Variants in FCN1 observed in about 807,000 individuals in gnomAD.
The protein encoded by FCN1 is ficolin-1.
In FCN1, 42 loss-of-function variants were observed where a neutral mutation model predicts 35.6. The observed-to-expected ratio is 1.18, with a 90% confidence interval of 0.92 to 1.53. The LOEUF (loss-of-function observed/expected upper bound fraction) is 1.53, where lower values mean the gene tolerates loss of function less well. FCN1 is among the 40% of genes most tolerant of loss of function. The pLI, the probability that FCN1 is intolerant of heterozygous loss-of-function variation, is 0.00. For missense variants in FCN1, 439 were observed against 428.4 expected, an observed-to-expected ratio of 1.02 and a Z score of -0.22; for synonymous variants, 179 against 169.8, an observed-to-expected ratio of 1.05 and a Z score of -0.42.
Position 134,912,477 on chromosome 9 carries a change from T to C in FCN1, c.598+9A>G, listed in dbSNP as rs373213678. The C allele has an allele frequency of 2.5e-6, 4 of 1,613,000 alleles. No individual in the cohort carries two copies. The highest frequency in any genetic ancestry group is 3.4e-6 in the Non-Finnish European group (4 of 1,179,504). ...CCCCCCAACCCCTGAGCCACGGCAGTGGCCCTACCCTGGGCAGTCAGGGCG... is the reference window on the plus strand; with the variant it reads ...CCCCCCAACCCCTGAGCCACGGCAGCGGCCCTACCCTGGGCAGTCAGGGCG... On this transcript the variant is annotated intron_variant, in intron 7 of 8. Transcript: ENST00000371806.
At position 134,917,688 on chromosome 9, in the gene FCN1, G is replaced by A. The variant is rs56045618; in HGVS notation, c.103+81C>T. 11 of 853,830 alleles carry A rather than the reference G, an allele frequency of 1.3e-5. 1 individual carries two copies. In the African/African-American group the frequency reaches 1.5e-4, roughly 12 times the overall value. 52.9% of individuals were successfully genotyped at this position (853,830 alleles called of 1,614,324 possible). ...TCTTCACAGGAAGATGTGCATAAAA[G>A]GTTTTGCCTGGGACACCCGAGTGTC... On this transcript the variant is annotated intron_variant, in intron 1 of 8. Transcript: ENST00000371806.
chr9:134,914,850 T>C, intron 2 of FCN1, 41 bp from the exon 3 acceptor site: 1 of 1,506,932 alleles, frequency 6.6e-7, no homozygotes, highest in Non-Finnish European at 9.2e-7. Flanking sequence ...AAATGCAACC[T>C]AAACAATTCT....
At position 134,907,065 on chromosome 9, in the gene FCN1, C is replaced by G. The variant is rs146169732; in HGVS notation, c.*2733G>C. ...CCAGCCTGGGTGGCAGAGTAAAACTCTGTCTCAAAAAACAAACTAAAAGGC... is the reference window on the plus strand; with the variant it reads ...CCAGCCTGGGTGGCAGAGTAAAACTGTGTCTCAAAAAACAAACTAAAAGGC... On this transcript the variant is annotated 3_prime_UTR_variant, in exon 9 of 9. Coordinates refer to ENST00000371806, the MANE Select transcript of FCN1 (RefSeq NM_002003.5). 1.0e-3 allele frequency: 157 copies of G among 152,248 alleles called. No homozygotes were observed. The highest frequency in any genetic ancestry group is 3.6e-3 in the African/African-American group (151 of 41,544). 9.4% of individuals were successfully genotyped at this position (152,248 alleles called of 1,614,324 possible).
In FCN1 at chr9:134,912,355, A is replaced by C. The variant is rs1588656360; in HGVS notation, c.598+131T>G. ...AGGGGACGCAGCCCTTAGAGGTCCC[A>C]GTGCCACCTGAGTGTGCTCAGGGCC... On this transcript the variant is annotated intron_variant, in intron 7 of 8. Coordinates refer to ENST00000371806, the MANE Select transcript of FCN1 (RefSeq NM_002003.5). 3.3e-6 allele frequency: 3 copies of C among 916,828 alleles called. No homozygotes were observed. The East Asian group carries it at 8.0e-5, about 24-fold the overall frequency. The allele number at this position is 916,828 out of a possible 1,614,324, so 56.8% of individuals were successfully genotyped here. A position where few individuals can be genotyped will look rare whatever the true frequency, so the allele number is the denominator to read the frequency against.
chr9:134,905,849 TTCCTCTTCCTCTTCC>T lies in FCN1; in HGVS notation c.*3934_*3948del, dbSNP rs1830943344. The stretch of plus-strand genomic sequence containing the variant: ...CTTCCTCTTCCTCTTCCTCTTCCTC[TTCCTCTTCCTCTTCC>T]TCTTCTTCTTCTTCTTCTTCTTCTT... On this transcript the variant is annotated 3_prime_UTR_variant, in exon 9 of 9. Transcript: ENST00000371806. The T allele has an allele frequency of 2.3e-5, 1 of 42,562 alleles. No homozygotes were observed. Among genetic ancestry groups the T allele is most frequent in the Non-Finnish European group, 3.9e-5 (1 of 25,358 alleles). 2.6% of individuals were successfully genotyped at this position (42,562 alleles called of 1,614,324 possible).
chr9:134,916,293 G>A, intron 2 of FCN1, 55 bp downstream of exon 2: 1 of 1,331,784 alleles, frequency 7.5e-7, no homozygotes. Flanking sequence ...GTTTCATAAA[G>A]AGCAAGAGCC....
intron 1 of FCN1, among the ~76,000 whole-genome samples, chr9:134,917,064 C>T (rs932643009): frequency 7.9e-5 from 12 of 152,226 alleles, no homozygotes; most frequent in Admixed American, 3.3e-4. Context: ...AAAATCTACA[C>T]GCCCTGCTAA....
chr9:134,912,904 G>T, intron 6 of FCN1, 112 bp downstream of exon 6: 1 of 1,490,080 alleles, frequency 6.7e-7, no homozygotes, highest in South Asian at 1.3e-5. Flanking sequence ...CATCATCTAT[G>T]ATTGTCCCCA....
At chr9:134,914,482 G>GC in intron 3 of FCN1, 62 bp from the exon 4 acceptor site, 7 of 1,366,200 alleles carry the variant, frequency 5.1e-6, no homozygotes, top group Non-Finnish European at 7.1e-6. Flanking sequence ...GGAAAGGCTG[G>GC]TCCAGAGTGG....
rs562957937 is a variant in FCN1 at position 134,913,317 on chromosome 9, C to T, written c.341-174G>A. Among the ~76,000 whole-genome samples the T allele has an allele frequency of 2.6e-5, 4 of 152,318 alleles. No homozygotes were observed. The East Asian group carries it at 7.7e-4, about 29-fold the overall frequency. On this transcript the variant is annotated intron_variant, in intron 5 of 8. Coordinates refer to ENST00000371806, the MANE Select transcript of FCN1 (RefSeq NM_002003.5). ...CAGGGCCACGCAGCTGTGATGCCCA[C>T]ACCCAGTCTGCCGACCCTCCCACCT... is the stretch of plus-strand genomic sequence containing the variant.
rs1346519492 is a variant in FCN1, at chr9:134,909,406, G to C, written c.*392C>G. 1 of 1,290,498 alleles carries C rather than the reference G, an allele frequency of 7.7e-7. No individual in the cohort carries two copies. The highest frequency in any genetic ancestry group is 1.5e-5 in the African/African-American group (1 of 65,852). 79.9% of individuals were successfully genotyped at this position (1,290,498 alleles called of 1,614,324 possible). Reference sequence around the variant, plus strand: ...GATCGCCCTGTGTCAATTACTGGAGGTGGAAAATCCTCGCAAAAGTCACTC... The same window carrying C: ...GATCGCCCTGTGTCAATTACTGGAGCTGGAAAATCCTCGCAAAAGTCACTC... On this transcript the variant is annotated 3_prime_UTR_variant, in exon 9 of 9. Coordinates refer to ENST00000371806, the MANE Select transcript of FCN1 (RefSeq NM_002003.5).
At chr9:134,912,991 C>G (rs766456298) in intron 6 of FCN1, 25 bp downstream of exon 6, 1 of 1,603,828 alleles carries the variant, frequency 6.2e-7, no homozygotes, top group Non-Finnish European at 8.5e-7. Flanking sequence ...CCAGGCTGAC[C>G]GCCTCTGCCC....
At position 134,904,001 on chromosome 9, in the gene FCN1, A is replaced by G. The variant is rs530738721; in HGVS notation, c.*5797T>C. Among the ~76,000 whole-genome samples, 180 of 152,378 alleles carry G rather than the reference A, an allele frequency of 1.2e-3. No individual in the cohort carries two copies. Among genetic ancestry groups the G allele is most frequent in the Admixed American group, 2.9e-3 (45 of 15,312 alleles). On this transcript the variant is annotated 3_prime_UTR_variant, in exon 9 of 9. Transcript: ENST00000371806. Reference sequence around the variant, plus strand: ...GAAAAGGAAAAAAGAATACAAATCCAGAAACTAGAACAAGAGACATATGAG... The same window carrying G: ...GAAAAGGAAAAAAGAATACAAATCCGGAAACTAGAACAAGAGACATATGAG...
At chr9:134,913,319 C>G (rs1193902082) in intron 5 of FCN1, among the ~76,000 whole-genome samples, 176 bp from the exon 6 acceptor site, 1 of 152,174 alleles carries the variant, frequency 6.6e-6, no homozygotes, top group South Asian at 2.1e-4. Context: ...GATGCCCACA[C>G]CCAGTCTGCC....
Position 134,905,717 on chromosome 9 carries a change from C to A in FCN1, c.*4081G>T, listed in dbSNP as rs946783052. Among the ~76,000 whole-genome samples, 1 of 151,646 alleles carries A rather than the reference C, an allele frequency of 6.6e-6. No individual in the cohort carries two copies. Among genetic ancestry groups the A allele is most frequent in the Admixed American group, 6.6e-5 (1 of 15,256 alleles). ...GCCAGGATGGTCTTGATCTCCTGAC[C>A]TTGTGATCCGCCCGCCTCGGCCTCC... On this transcript the variant is annotated 3_prime_UTR_variant, in exon 9 of 9. Coordinates refer to ENST00000371806, the MANE Select transcript of FCN1 (RefSeq NM_002003.5).
In FCN1 at chr9:134,909,147, T is replaced by C; in HGVS notation, c.*651A>G. ...AGGAAGGCCTCTTCGGAATCTTCTC[T>C]GTGCAGGTGGCTGACCAGGCGCTCA... On this transcript the variant is annotated 3_prime_UTR_variant, in exon 9 of 9. Coordinates refer to ENST00000371806, the MANE Select transcript of FCN1 (RefSeq NM_002003.5). The C allele has an allele frequency of 8.2e-7, 1 of 1,218,608 alleles. No individual in the cohort carries two copies. Among genetic ancestry groups the C allele is most frequent in the Non-Finnish European group, 1.1e-6 (1 of 934,102 alleles). 75.5% of individuals were successfully genotyped at this position (1,218,608 alleles called of 1,614,324 possible).
rs1463267544 is a variant in FCN1 at position 134,913,028 on chromosome 9, T to C, written c.456A>G (p.Gly152=). 4.3e-6 allele frequency: 7 copies of C among 1,611,656 alleles called. No homozygotes were observed. Among genetic ancestry groups the C allele is most frequent in the Non-Finnish European group, 5.9e-6 (7 of 1,179,046 alleles). ...GCCCCACACTCACGGTCCAGCCCCC[T>C]CCGTCCGTGTCCATGTCACAGAGCA... ...LTVLCDMDTD[G]GGWTVFQRRM... Residue 152 remains glycine, a synonymous_variant, in exon 6 of 9, where the codon GGA becomes GGG. Transcript: ENST00000371806.
At position 134,909,276 on chromosome 9, in the gene FCN1, T is replaced by C. The variant is rs138184284; in HGVS notation, c.*522A>G. 5 of 1,289,590 alleles carry C rather than the reference T, an allele frequency of 3.9e-6. No homozygotes were observed. The highest frequency in any genetic ancestry group is 5.1e-6 in the Non-Finnish European group (5 of 988,780). 79.9% of individuals were successfully genotyped at this position (1,289,590 alleles called of 1,614,324 possible). A position where few individuals can be genotyped will look rare whatever the true frequency, so the allele number is the denominator to read the frequency against. ...AAAAGTTCCTACTAAACTTTCCCCCTTTTTAGTAAGTGTTTTCTGGACCCC... is the reference window on the plus strand; with the variant it reads ...AAAAGTTCCTACTAAACTTTCCCCCCTTTTAGTAAGTGTTTTCTGGACCCC... On this transcript the variant is annotated 3_prime_UTR_variant, in exon 9 of 9. Coordinates refer to ENST00000371806, the MANE Select transcript of FCN1 (RefSeq NM_002003.5).
chr9:134,903,880 A>G lies in FCN1; in HGVS notation c.*5918T>C, dbSNP rs1366902864. Among the ~76,000 whole-genome samples the G allele has an allele frequency of 2.0e-5, 3 of 152,258 alleles. No individual in the cohort carries two copies. Among genetic ancestry groups the G allele is most frequent in the Non-Finnish European group, 4.4e-5 (3 of 68,044 alleles). On this transcript the variant is annotated 3_prime_UTR_variant, in exon 9 of 9. Coordinates refer to ENST00000371806, the MANE Select transcript of FCN1 (RefSeq NM_002003.5). ...TTCTATAACTGAAATTAATAACTCA[A>G]TCAATGGTTTTCTATTTATAAGCAA...
Sources: allele counts gnomAD v4.1 joint callset (sites outside exome capture counted in the v4.1 genomes callset), GRCh38; gene constraint gnomAD v4.1.1; transcripts MANE v1.5; gene names NCBI Gene and HGNC (gene_info 2026-07-23, HGNC 2026-07-21).